The following TMPO variants were observed in gnomAD, a reference collection of about 807,000 sequenced individuals.
TMPO encodes the protein LEM domain containing 4.
TMPO carries 22 observed loss-of-function variants against 45.4 expected under a neutral mutation model. The observed-to-expected ratio is 0.48, with a 90% CI of 0.35 to 0.69. The LOEUF (loss-of-function observed/expected upper bound fraction) is 0.69, where lower values mean the gene tolerates loss of function less well. Ranked by LOEUF, TMPO falls within the 30% of genes least tolerant of loss-of-function variation. The pLI is 0.01. For missense variants in TMPO, 512 were observed against 548.8 expected (o/e 0.93, Z 0.67); for synonymous variants, 241 against 204.1 (o/e 1.18, Z -1.54).
chr12:98,539,789 T>A (rs1013447948), intron 4 of TMPO, among the ~76,000 whole-genome samples: 1 of 152,124 alleles, frequency 6.6e-6, no homozygotes, highest in African/African-American at 2.4e-5. Context: ...TTGCTTTTGA[T>A]TTTTTTTATT....
intron 1 of TMPO, 80 bp downstream of exon 1, chr12:98,516,226 C>T (rs950508229): frequency 7.6e-7 from 1 of 1,308,110 alleles, no homozygotes; most frequent in East Asian, 3.2e-5. Flanking sequence ...CAGCCCCTCC[C>T]TCCCGGGCGC....
chr12:98,548,044 G>A lies in TMPO; in HGVS notation c.*186G>A. The A allele has an allele frequency of 1.6e-6, 1 of 641,390 alleles. No individual in the cohort carries two copies. The highest frequency in any genetic ancestry group is 2.5e-6 in the Non-Finnish European group (1 of 393,782). The allele number at this position is 641,390 out of a possible 1,614,324, so 39.7% of individuals were successfully genotyped here. A position where few individuals can be genotyped will look rare whatever the true frequency, so the allele number is the denominator to read the frequency against. On this transcript the variant is annotated 3_prime_UTR_variant, in exon 9 of 9. Coordinates refer to ENST00000556029, the MANE Select transcript of TMPO (RefSeq NM_001032283.3). ...TTCATTAAAATGTTTTTGAACTTTG[G>A]ACTAGTAGGAGATCACTTTGTGCCA...
intron 3 of TMPO, chr12:98,532,725 T>C: frequency 6.3e-7 from 1 of 1,580,354 alleles, no homozygotes; most frequent in East Asian, 2.2e-5. Flanking sequence ...AATTATAGTC[T>C]TTTCCTTTGA....
intron 4 of TMPO, chr12:98,537,838 AAG>A: frequency 1.8e-6 from 1 of 545,430 alleles, no homozygotes; most frequent in Non-Finnish European, 3.2e-6. Flanking sequence ...GGTGTTTTGA[AAG>A]AAATATTTTA....
intron 6 of TMPO, 74 bp from the exon 7 acceptor site, chr12:98,544,877 T>C: frequency 2.5e-6 from 3 of 1,212,710 alleles, no homozygotes; most frequent in Non-Finnish European, 3.7e-6. Flanking sequence ...AGAGATAAAA[T>C]ATCTTTCTTT....
intron 1 of TMPO, among the ~76,000 whole-genome samples, chr12:98,522,309 C>G (rs1029051307): frequency 1.2e-4 from 18 of 152,202 alleles, no homozygotes; most frequent in African/African-American, 3.4e-4. Flanking sequence ...GCTGCTGCTC[C>G]TGGCCAAATT....
At chr12:98,528,684 C>T (rs576221737) in intron 2 of TMPO, among the ~76,000 whole-genome samples, 8 of 152,092 alleles carry the variant, frequency 5.3e-5, no homozygotes, top group African/African-American at 1.4e-4. Flanking sequence ...AATGGCCGGG[C>T]GCAGTAGCTC....
chr12:98,543,900 A>G (rs1220985953), intron 4 of TMPO, among the ~76,000 whole-genome samples: 1 of 152,234 alleles, frequency 6.6e-6, no homozygotes, highest in Non-Finnish European at 1.5e-5. Flanking sequence ...GTTTAGACAG[A>G]GATGTAGCTC....
intron 2 of TMPO, among the ~76,000 whole-genome samples, chr12:98,530,981 A>C (rs545794224): frequency 2.7e-4 from 41 of 152,232 alleles, no homozygotes; most frequent in African/African-American, 2.7e-4. Flanking sequence ...AGTGCATTAT[A>C]TAGTTGTGTG....
At chr12:98,546,333 T>G (rs1163814750) in intron 7 of TMPO, 26 bp from the exon 8 acceptor site, 14 of 1,473,754 alleles carry the variant, frequency 9.5e-6, no homozygotes, top group Non-Finnish European at 1.9e-6. Context: ...TAACTTGTGG[T>G]TGTTTGTTTG....
At chr12:98,522,597 A>G (rs912960553) in intron 1 of TMPO, among the ~76,000 whole-genome samples, 1 of 152,234 alleles carries the variant, frequency 6.6e-6, no homozygotes, top group East Asian at 1.9e-4. Context: ...ATGCCATTGC[A>G]TATGTGAAGT....
At chr12:98,518,597 TA>T (rs1435417723) in intron 1 of TMPO, among the ~76,000 whole-genome samples, 2 of 151,886 alleles carry the variant, frequency 1.3e-5, no homozygotes, top group Admixed American at 1.3e-4. Flanking sequence ...TGATTTCTTT[TA>T]CACAGAAACA....
At chr12:98,526,348 T>C (rs1876758650) in intron 1 of TMPO, among the ~76,000 whole-genome samples, 1 of 152,162 alleles carries the variant, frequency 6.6e-6, no homozygotes, top group Non-Finnish European at 1.5e-5. Flanking sequence ...GACCCGGCCA[T>C]GGATATCAAA....
At chr12:98,533,830 A>T (rs1307009519) in intron 3 of TMPO, 1 of 1,614,130 alleles carries the variant, frequency 6.2e-7, no homozygotes, top group African/African-American at 1.3e-5. Context: ...AGTTTCTTCC[A>T]GGGAGGCAAC....
intron 3 of TMPO, chr12:98,533,174 C>T: frequency 1.2e-6 from 2 of 1,614,108 alleles, no homozygotes; most frequent in South Asian, 1.1e-5. Context: ...ATGTTGGTCT[C>T]TACTGCAGCT....
chr12:98,522,963 A>G (rs1476318394), intron 1 of TMPO, among the ~76,000 whole-genome samples: 1 of 152,232 alleles, frequency 6.6e-6, no homozygotes, highest in Admixed American at 6.5e-5. Context: ...TAGAGATTAA[A>G]GGAATTAGAG....
chr12:98,537,746 C>G (rs1262314387), intron 4 of TMPO, 174 bp downstream of exon 4: 1 of 685,614 alleles, frequency 1.5e-6, no homozygotes, highest in Non-Finnish European at 2.6e-6. Context: ...AGTAGTGTAG[C>G]CTGTGATTAC....
chr12:98,544,816 T>C, intron 6 of TMPO, 135 bp from the exon 7 acceptor site: 2 of 759,350 alleles, frequency 2.6e-6, no homozygotes, highest in South Asian at 3.0e-5. Flanking sequence ...TAAGTTGTGT[T>C]TGTAGGCTGT....
intron 1 of TMPO, among the ~76,000 whole-genome samples, chr12:98,520,308 T>TCC (rs755405767): frequency 6.8e-6 from 1 of 146,632 alleles, no homozygotes; most frequent in Non-Finnish European, 1.5e-5. Flanking sequence ...CTTCCTTCCT[T>TCC]CTGTGTGTGT....
Sources: gnomAD v4.1 joint callset for allele counts (sites outside exome capture counted in the v4.1 genomes callset) on GRCh38, gnomAD v4.1.1 for gene constraint, MANE v1.5 for transcripts, NCBI Gene and HGNC (gene_info 2026-07-23, HGNC 2026-07-21) for gene names.